The following NOP56 variants were observed in gnomAD, a reference collection of about 807,000 sequenced individuals.
The protein encoded by NOP56 is NOP56 ribonucleoprotein, also known as nucleolar protein 56.
In NOP56, 31 loss-of-function variants were observed where a neutral mutation model predicts 58.3. The observed-to-expected ratio is 0.53, with a 90% CI of 0.40 to 0.72. The LOEUF is 0.72. Among genes scored for constraint, NOP56 ranks in the 30% least tolerant of loss-of-function variants. NOP56 has a pLI of 0.00. For synonymous variants in NOP56, 313 were observed against 282.8 expected (o/e 1.11, Z -1.07); for missense variants, 669 against 739.9 (o/e 0.90, Z 1.11).
At position 2,653,294 on chromosome 20, in the gene NOP56, C is replaced by G; in HGVS notation, c.109C>G (p.Leu37Val). Residue 37 changes from leucine to valine, a missense_variant, in exon 3 of 12, where the codon CTC (leucine) becomes GTC (valine). By Grantham distance (32) the Leu-to-Val change is conservative. Around this residue, in one of 3 missense-constraint regions of NOP56, gnomAD observed 121 missense variants for 113.1 expected, o/e 1.07. Transcript: ENST00000329276. ...CTCCCCCCAGGTGGAGGAGTCTGTG[C>G]TCAACCTGGGCAAATTCCACAGCAT... Reference protein sequence around the residue: ...LLQPQVEESVLNLGKFHSIVR... With the variant: ...LLQPQVEESVVNLGKFHSIVR... The G allele has an allele frequency of 6.2e-7, 1 of 1,614,108 alleles. No individual in the cohort carries two copies. The highest frequency in any genetic ancestry group is 8.5e-7 in the Non-Finnish European group (1 of 1,179,978).
intron 3 of NOP56, 124 bp from the exon 4 acceptor site, chr20:2,654,290 C>A (rs748265197): frequency 4.2e-5 from 41 of 967,944 alleles, no homozygotes; most frequent in Non-Finnish European, 6.5e-5. Context: ...TGAGCAATGC[C>A]TGATGGGGAG....
intron 3 of NOP56, 96 bp downstream of exon 3, chr20:2,653,489 C>T (rs1203511592): frequency 4.1e-6 from 4 of 966,866 alleles, no homozygotes; most frequent in African/African-American, 3.2e-5. Flanking sequence ...TTGGCTGGCT[C>T]TGAGTCTGAT....
intron 5 of NOP56, 100 bp from the exon 6 acceptor site, chr20:2,655,225 C>T (rs1386590759): frequency 7.1e-7 from 1 of 1,416,872 alleles, no homozygotes; most frequent in South Asian, 1.2e-5. Context: ...GATCTTTGTC[C>T]CATTTCCTCC....
In NOP56 at chr20:2,655,688, AC is replaced by A; in HGVS notation, c.853del (p.Leu285CysfsTer5). ...LSEYRQSLHTYLRSKMSQVAP... is the reference protein window; with the variant it reads ...LSEYRQSLHTXLRSKMSQVAP... Reference sequence around the variant, plus strand: ...GAATACCGCCAGAGCCTACACACTTACCTGCGCTCCAAGATGAGCCAAGTAG... The same window carrying A: ...GAATACCGCCAGAGCCTACACACTTACTGCGCTCCAAGATGAGCCAAGTAG... On this transcript the variant is annotated frameshift_variant, in exon 7 of 12. Transcript: ENST00000329276. LOFTEE classifies it high-confidence loss of function. The A allele has an allele frequency of 6.2e-7, 1 of 1,614,132 alleles. No individual in the cohort carries two copies. The highest frequency in any genetic ancestry group is 8.5e-7 in the Non-Finnish European group (1 of 1,180,016).
Position 2,655,454 on chromosome 20 carries a change from G to A in NOP56, c.699G>A (p.Glu233=), listed in dbSNP as rs1416819175. The change falls in exon 6 of 12, where the codon GAG becomes GAA. Residue 233 remains glutamate (E), a synonymous_variant. Transcript: ENST00000329276. ...AGGACAAGCTGGAGAAGCTGGAGGA[G>A]CTGACAATGGATGGGGCCAAGGCTA... The part of the protein sequence containing the change: ...LNEDKLEKLE[E]LTMDGAKAKA... 6.2e-7 allele frequency: 1 copy of A among 1,614,166 alleles called. No individual in the cohort carries two copies. The highest frequency in any genetic ancestry group is 1.3e-5 in the African/African-American group (1 of 75,040).
chr20:2,655,117 AGAG>A (rs2086799843), intron 5 of NOP56, 170 bp downstream of exon 5: 3 of 1,056,714 alleles, frequency 2.8e-6, no homozygotes, highest in Non-Finnish European at 2.9e-6. Flanking sequence ...CTGTATAGAA[AGAG>A]GAGGTAGAGT....
chr20:2,654,451 C>T lies in NOP56; in HGVS notation c.246C>T (p.Thr82=), dbSNP rs2086791378. The change falls in exon 4 of 12, where the codon ACC becomes ACT. Residue 82 remains threonine (T), a synonymous_variant. Coordinates refer to ENST00000329276, the MANE Select transcript of NOP56 (RefSeq NM_006392.4). The stretch of plus-strand genomic sequence containing the variant: ...AGGACCTCCGCCTGCTCTTGGAGAC[C>T]CACCTGCCGTCCAAAAAGAAGAAAG... ...VHEDLRLLLE[T]HLPSKKKKVL... 2 of 1,613,998 alleles carry T rather than the reference C, an allele frequency of 1.2e-6. No individual in the cohort carries two copies. The highest frequency in any genetic ancestry group is 8.5e-7 in the Non-Finnish European group (1 of 1,180,028).
rs565742197 is a variant in NOP56 at position 2,652,694 on chromosome 20, C to T, written c.3+31C>T. 1.1e-5 allele frequency: 16 copies of T among 1,469,194 alleles called. No homozygotes were observed. In the African/African-American group the frequency reaches 1.3e-4, roughly 12 times the overall value. 91.0% of individuals were successfully genotyped at this position (1,469,194 alleles called of 1,614,324 possible). A position where few individuals can be genotyped will look rare whatever the true frequency, so the allele number is the denominator to read the frequency against. On this transcript the variant is annotated intron_variant, in intron 1 of 11. Coordinates refer to ENST00000329276, the MANE Select transcript of NOP56 (RefSeq NM_006392.4). ...GAGTGGTTGCGGGGCGCGGGCGACG[C>T]GACGGTGGGGGTTTCGGCCTGCGTT... is the stretch of plus-strand genomic sequence containing the variant.
chr20:2,656,613 A>C, intron 9 of NOP56, 64 bp downstream of exon 9: 1 of 1,607,668 alleles, frequency 6.2e-7, no homozygotes, highest in Non-Finnish European at 8.5e-7. Flanking sequence ...GGAGGCTTGC[A>C]ACCATAGCTT....
In NOP56 at chr20:2,654,913, G is replaced by A; in HGVS notation, c.535G>A (p.Asp179Asn). The A allele has an allele frequency of 6.2e-7, 1 of 1,614,208 alleles. No individual in the cohort carries two copies. The highest frequency in any genetic ancestry group is 1.1e-5 in the South Asian group (1 of 91,090). The change falls in exon 5 of 12, where the codon GAT (aspartate) becomes AAT (asparagine). Residue 179 changes from aspartate to asparagine, a missense_variant. Asp to Asn is a conservative substitution (Grantham distance 23). Around this residue, in one of 3 missense-constraint regions of NOP56, gnomAD observed 339 missense variants for 430.5 expected, o/e 0.79. Transcript: ENST00000329276. Reference sequence around the variant, plus strand: ...GTCCATTAGCCTCCTGGACCAGCTGGATAAGGACATCAATACCTTCTCTAT... The same window carrying A: ...GTCCATTAGCCTCCTGGACCAGCTGAATAAGGACATCAATACCTTCTCTAT... The part of the protein sequence containing the change: ...IQSISLLDQL[D>N]KDINTFSMRV...
intron 3 of NOP56, 139 bp from the exon 4 acceptor site, chr20:2,654,273 ATG>A: frequency 1.1e-6 from 1 of 874,202 alleles, no homozygotes; most frequent in South Asian, 1.3e-5. Flanking sequence ...TGATGTCTCC[ATG>A]TCTCTGAGCA....
At chr20:2,653,451 G>A (rs1173607513) in intron 3 of NOP56, 58 bp downstream of exon 3, 3 of 1,438,448 alleles carry the variant, frequency 2.1e-6, no homozygotes, top group Non-Finnish European at 2.9e-6. Context: ...GTATCCTCTC[G>A]GGCAGCTTGT....
At chr20:2,656,928 T>C in intron 10 of NOP56, 33 bp downstream of exon 10, 3 of 1,613,992 alleles carry the variant, frequency 1.9e-6, no homozygotes, top group Non-Finnish European at 2.5e-6. Context: ...TGGAGTGGCA[T>C]AGCTAGCTGT....
chr20:2,656,147 A>G (rs767274162), intron 8 of NOP56, 113 bp downstream of exon 8: 45 of 1,610,090 alleles, frequency 2.8e-5, no homozygotes, highest in Admixed American at 5.0e-5. Context: ...GGCCTCTGCT[A>G]TGGGGGTGAT....
At chr20:2,654,167 T>G (rs962813377) in intron 3 of NOP56, 2 of 719,196 alleles carry the variant, frequency 2.8e-6, no homozygotes, top group Non-Finnish European at 2.6e-6. Flanking sequence ...TGCCCACTTG[T>G]GCTATCAGAC....
rs1207976813 is a variant in NOP56 at position 2,657,193 on chromosome 20, G to C, written c.1394G>C (p.Ser465Thr). ...CTTGCCCTCGCGTCTTCAGAAAACA[G>C]CAGTAGTACTCCAGAGGAGTGTGAG... ...AALALASSENSSSTPEECEEM... is the reference protein window; with the variant it reads ...AALALASSENTSSTPEECEEM... Residue 465 changes from serine (S) to threonine (T), a missense_variant, in exon 11 of 12, where the codon AGC becomes ACC. Ser to Thr is a moderately conservative substitution (Grantham distance 58). Around this residue, in one of 3 missense-constraint regions of NOP56, gnomAD observed 209 missense variants for 196.2 expected, o/e 1.07. Coordinates refer to ENST00000329276, the MANE Select transcript of NOP56 (RefSeq NM_006392.4). The C allele has an allele frequency of 6.2e-7, 1 of 1,614,054 alleles. No individual in the cohort carries two copies. The highest frequency in any genetic ancestry group is 1.7e-5 in the Admixed American group (1 of 60,026).
In NOP56 at chr20:2,655,683, C is replaced by T. The variant is rs139503360; in HGVS notation, c.846C>T (p.His282=). 2.4e-5 allele frequency: 38 copies of T among 1,614,082 alleles called. No homozygotes were observed. In the African/African-American group the frequency reaches 2.4e-4, roughly 10 times the overall value. Residue 282 remains histidine (H), a synonymous_variant, in exon 7 of 12, where the codon CAC becomes CAT. Transcript: ENST00000329276. ...TATCTGAATACCGCCAGAGCCTACA[C>T]ACTTACCTGCGCTCCAAGATGAGCC... ...VSLSEYRQSL[H]TYLRSKMSQV...
At position 2,652,869 on chromosome 20, in the gene NOP56, G is replaced by A; in HGVS notation, c.31G>A (p.Ala11Thr). The A allele has an allele frequency of 6.2e-7, 1 of 1,611,538 alleles. No individual in the cohort carries two copies. Reference sequence around the variant, plus strand: ...GCTGTTGCACGTGCTGTTTGAGCACGCGGTCGGCTACGCGCTGCTGGCGCT... The same window carrying A: ...GCTGTTGCACGTGCTGTTTGAGCACACGGTCGGCTACGCGCTGCTGGCGCT... MVLLHVLFEH[A>T]VGYALLALKE... Residue 11 changes from alanine (A) to threonine (T), a missense_variant, in exon 2 of 12, where the codon GCG (alanine) becomes ACG (threonine). Transcript: ENST00000329276.
intron 11 of NOP56, chr20:2,657,501 C>T (rs1342460573): frequency 1.4e-5 from 9 of 641,402 alleles, no homozygotes; most frequent in Non-Finnish European, 2.3e-5. Flanking sequence ...AGTGTAAATT[C>T]CTGCTCTGCT....
Sources: gnomAD v4.1 joint callset for allele counts on GRCh38, gnomAD v4.1.1 for gene constraint, gnomAD v4.1.1 regional missense constraint, MANE v1.5 for transcripts, NCBI Gene and HGNC (gene_info 2026-07-23, HGNC 2026-07-21) for gene names.